SERINC4: variants seen among roughly 807,000 people sequenced by gnomAD.
SERINC4 encodes serine incorporator 4.
Under a neutral mutation model 52.0 loss-of-function variants are expected in SERINC4, and 52 were observed. The ratio of observed to expected loss-of-function variants is 1.00; its 90% CI spans 0.80 to 1.26. The LOEUF (loss-of-function observed/expected upper bound fraction) is 1.26. Among genes scored for constraint, SERINC4 ranks in the 50% most tolerant of loss-of-function variants. The pLI, the probability that SERINC4 is intolerant of heterozygous loss-of-function variation, is 0.00. For missense variants in SERINC4, 723 were observed against 632.8 expected (o/e 1.14, Z -1.53); for synonymous variants, 264 against 247.7 (o/e 1.07, Z -0.62).
At chr15:43,795,840 G>A in intron 9 of SERINC4, 104 bp from the exon 10 acceptor site, 1 of 1,165,240 alleles carries the variant, frequency 8.6e-7, no homozygotes, top group Admixed American at 2.4e-5. Flanking sequence ...AAAAAGTGGA[G>A]GCACACCTGG....
At position 43,795,184 on chromosome 15, in the gene SERINC4, A is replaced by C; in HGVS notation, c.1373T>G (p.Phe458Cys). Residue 458 changes from phenylalanine (F) to cysteine (C), a missense_variant, in exon 12 of 12, where the codon TTC (phenylalanine) becomes TGC (cysteine). Transcript: ENST00000319327. ...SYEGAELEKT[F>C]IKGSWATFWV... ...GAAGGTGGCCCAGCTACCCTTGATGAAGGTCTTTTCCAGTTCTGCTCCCTC... is the reference window on the plus strand; with the variant it reads ...GAAGGTGGCCCAGCTACCCTTGATGCAGGTCTTTTCCAGTTCTGCTCCCTC... 1 of 1,614,072 alleles carries C rather than the reference A, an allele frequency of 6.2e-7. No homozygotes were observed. The highest frequency in any genetic ancestry group is 2.2e-5 in the East Asian group (1 of 44,882).
At chr15:43,795,584 ACCT>A in intron 10 of SERINC4, 43 bp from the exon 11 acceptor site, 1 of 1,613,050 alleles carries the variant, frequency 6.2e-7, no homozygotes, top group Non-Finnish European at 8.5e-7. Context: ...CTGCTGAAAC[ACCT>A]CTTCCCCTCT....
Position 43,799,463 on chromosome 15 carries a change from A to G in SERINC4, c.126T>C (p.Pro42=), listed in dbSNP as rs1489779142. The G allele has an allele frequency of 5.8e-6, 9 of 1,550,784 alleles. No individual in the cohort carries two copies. Among genetic ancestry groups the G allele is most frequent in the Middle Eastern group, 1.7e-4 (1 of 5,992 alleles). Residue 42 remains proline, a synonymous_variant, in exon 2 of 12, where the codon CCT becomes CCC. Transcript: ENST00000319327. ...FCQVCCCGPA[P]CASCCHSRWP... ...ACCTAGAGTGGCAGCAGCTGGCACA[A>G]GGAGCAGGCCCACAGCAGCACACCT...
Position 43,795,003 on chromosome 15 carries a change from G to A in SERINC4, c.1554C>T (p.Val518=). Residue 518 remains valine, a synonymous_variant, in exon 12 of 12, where the codon GTC becomes GTT. Coordinates refer to ENST00000319327, the MANE Select transcript of SERINC4 (RefSeq NM_001258031.2). ...AACCCCAGTTTGTGAAAAGGACTTA[G>A]ACTGGAGGATATTTGTTATCTGGGG... ...IISPDNKYPP[V] is the part of the protein sequence containing the mutation. The A allele has an allele frequency of 6.2e-7, 1 of 1,609,438 alleles. No homozygotes were observed. Among genetic ancestry groups the A allele is most frequent in the Non-Finnish European group, 8.5e-7 (1 of 1,178,562 alleles).
chr15:43,795,937 A>G (rs2141689781), intron 9 of SERINC4: 1 of 642,394 alleles, frequency 1.6e-6, no homozygotes, highest in East Asian at 2.7e-5. Context: ...TCCATTTGTA[A>G]AATGGAGCAA....
At position 43,798,835 on chromosome 15, in the gene SERINC4, C is replaced by T. The variant is rs185062488; in HGVS notation, c.458+124G>A. 12 of 967,706 alleles carry T rather than the reference C, an allele frequency of 1.2e-5. No homozygotes were observed. In the East Asian group the frequency reaches 2.4e-4, roughly 19 times the overall value. The allele number at this position is 967,706 out of a possible 1,614,324, so 59.9% of individuals were successfully genotyped here. ...GGTTACACAGCAAGTACACGAGAAG[C>T]AGGGACTTAAACCTGTTTTCTGTCT... On this transcript the variant is annotated intron_variant, in intron 3 of 11. Coordinates refer to ENST00000319327, the MANE Select transcript of SERINC4 (RefSeq NM_001258031.2).
chr15:43,798,032 T>C lies in SERINC4; in HGVS notation c.539-19A>G, dbSNP rs773587481. On this transcript the variant is annotated intron_variant, in intron 4 of 11. Transcript: ENST00000319327. ...TGCCATGCTGCAAGATGGGCACCAG[T>C]GGAAAAATGTCAAATTGTTACTTTT... 6.4e-7 allele frequency: 1 copy of C among 1,568,094 alleles called. No individual in the cohort carries two copies. The highest frequency in any genetic ancestry group is 8.7e-7 in the Non-Finnish European group (1 of 1,145,314).
chr15:43,795,661 T>A, intron 10 of SERINC4, 27 bp downstream of exon 10: 1 of 1,613,256 alleles, frequency 6.2e-7, no homozygotes, highest in South Asian at 1.1e-5. Flanking sequence ...ATCTACCACT[T>A]CTTATGGTTC....
intron 8 of SERINC4, 108 bp from the exon 9 acceptor site, chr15:43,796,335 C>A: frequency 2.4e-6 from 2 of 843,534 alleles, no homozygotes; most frequent in South Asian, 1.6e-5. Context: ...TACCATACTC[C>A]CTGTGCCCTT....
chr15:43,798,488 G>A lies in SERINC4; in HGVS notation c.475C>T (p.Leu159=), dbSNP rs759842882. The change falls in exon 4 of 12, where the codon CTG becomes TTG. Residue 159 remains leucine (L), a synonymous_variant. Coordinates refer to ENST00000319327, the MANE Select transcript of SERINC4 (RefSeq NM_001258031.2). ...QLHNSFWLLK[L]LFLLGLCAIA... Reference sequence around the variant, plus strand: ...GCACAGAGACCTAACAGGAACAGCAGCTTGAGGAGCCAGAAGCTGGTTAGG... The same window carrying A: ...GCACAGAGACCTAACAGGAACAGCAACTTGAGGAGCCAGAAGCTGGTTAGG... 1.2e-6 allele frequency: 2 copies of A among 1,613,498 alleles called. No individual in the cohort carries two copies. Among genetic ancestry groups the A allele is most frequent in the Non-Finnish European group, 1.7e-6 (2 of 1,179,392 alleles).
rs372519705 is a variant in SERINC4, at chr15:43,795,735, T to A, written c.1142A>T (p.Lys381Met). The A allele has an allele frequency of 3.1e-6, 5 of 1,613,832 alleles. No homozygotes were observed. The highest frequency in any genetic ancestry group is 4.2e-6 in the Non-Finnish European group (5 of 1,179,938). Residue 381 changes from lysine to methionine, a missense_variant and splice_region_variant, in exon 10 of 12, where the codon AAG becomes ATG. Transcript: ENST00000319327. ...IVKVYSYEFQKPSLCFCCPET... is the reference protein window; with the variant it reads ...IVKVYSYEFQMPSLCFCCPET... ...AGGGCAGCAGAAACACAGTGAGGGC[T>A]TCTGCAAAACAGAACGCAGGTTTTG...
intron 3 of SERINC4, 138 bp from the exon 4 acceptor site, chr15:43,798,642 C>A: frequency 1.4e-6 from 1 of 689,882 alleles, no homozygotes; most frequent in South Asian, 1.8e-5. Flanking sequence ...GAACCAATCC[C>A]AAATGAGAGG....
chr15:43,795,580 A>G, intron 10 of SERINC4, 39 bp from the exon 11 acceptor site: 1 of 1,613,304 alleles, frequency 6.2e-7, no homozygotes, highest in Admixed American at 1.7e-5. Flanking sequence ...AGAGCTGCTG[A>G]AACACCTCTT....
intron 10 of SERINC4, 44 bp from the exon 11 acceptor site, chr15:43,795,585 C>T (rs768213727): frequency 6.2e-7 from 1 of 1,612,456 alleles, no homozygotes; most frequent in African/African-American, 1.3e-5. Flanking sequence ...TGCTGAAACA[C>T]CTCTTCCCCT....
Position 43,795,484 on chromosome 15 carries a change from A to G in SERINC4, c.1247T>C (p.Val416Ala), listed in dbSNP as rs200290403. 9.9e-6 allele frequency: 16 copies of G among 1,614,206 alleles called. No individual in the cohort carries two copies. In the African/African-American group the frequency reaches 1.9e-4, roughly 19 times the overall value. Residue 416 changes from valine (V) to alanine (A), a missense_variant, in exon 11 of 12, where the codon GTC becomes GCC. Coordinates refer to ENST00000319327, the MANE Select transcript of SERINC4 (RefSeq NM_001258031.2). ...GTTGTAGGAAAGATGCTGGACTTGGACTGGAGGAGCTGGAGGGGTTTCTTG... is the reference window on the plus strand; with the variant it reads ...GTTGTAGGAAAGATGCTGGACTTGGGCTGGAGGAGCTGGAGGGGTTTCTTG... ...ADQETPPAPP[V>A]QVQHLSYNYS...
chr15:43,798,294 C>G, intron 4 of SERINC4, 131 bp downstream of exon 4: 1 of 758,954 alleles, frequency 1.3e-6, no homozygotes. Context: ...CGTGATCCGC[C>G]CGCCTCAGCC....
chr15:43,796,488 T>G (rs1000304083), intron 8 of SERINC4, 128 bp downstream of exon 8: 40 of 1,031,110 alleles, frequency 3.9e-5, no homozygotes, highest in Middle Eastern at 6.3e-4. Flanking sequence ...TGTCCCTGTT[T>G]GTGGGGAGCT....
At chr15:43,797,097 T>C (rs1217996237) in intron 6 of SERINC4, 48 bp downstream of exon 6, 4 of 1,514,946 alleles carry the variant, frequency 2.6e-6, no homozygotes, top group Non-Finnish European at 3.6e-6. Flanking sequence ...AAACTTGCTA[T>C]GCTTTTAAGG....
chr15:43,797,983 A>G lies in SERINC4; in HGVS notation c.569T>C (p.Phe190Ser). The G allele has an allele frequency of 6.2e-7, 1 of 1,613,888 alleles. No individual in the cohort carries two copies. Among genetic ancestry groups the G allele is most frequent in the Non-Finnish European group, 8.5e-7 (1 of 1,179,786 alleles). The stretch of plus-strand genomic sequence containing the variant: ...CACCAACTGCAGTAGGATGAATGCA[A>G]AGCCTCCACAGATGCCAATGTAATG... ...AWHYIGICGG[F>S]AFILLQLVLI... is the part of the protein sequence containing the mutation. Residue 190 changes from phenylalanine (F) to serine (S), a missense_variant, in exon 5 of 12, where the codon TTT becomes TCT. Transcript: ENST00000319327.
Sources: gnomAD v4.1 joint callset for allele counts on GRCh38, gnomAD v4.1.1 for gene constraint, MANE v1.5 for transcripts, NCBI Gene and HGNC (gene_info 2026-07-23, HGNC 2026-07-21) for gene names.